The following MINDY4 variants were observed in gnomAD, a reference collection of about 807,000 sequenced individuals.
MINDY4 encodes the protein probable ubiquitin carboxyl-terminal hydrolase MINDY-4.
Under a neutral mutation model 87.0 loss-of-function variants are expected in MINDY4, and 68 were observed. The ratio of observed to expected loss-of-function variants is 0.78; its 90% CI spans 0.64 to 0.96. The LOEUF is 0.96. Among genes scored for constraint, MINDY4 ranks in the 40% least tolerant of loss-of-function variants. The pLI, the probability that MINDY4 is intolerant of heterozygous loss-of-function variation, is 0.00. For synonymous variants in MINDY4, 379 were observed against 363.2 expected (o/e 1.04, Z -0.50); for missense variants, 919 against 928.2 (o/e 0.99, Z 0.13).
rs556944019 is a variant in MINDY4, at chr7:30,842,403, G to T, written c.1445+1555G>T. 1.3e-3 allele frequency among the ~76,000 whole-genome samples: 205 copies of T among 152,332 alleles called. 1 individual carries two copies. Among genetic ancestry groups the T allele is most frequent in the African/African-American group, 4.5e-3 (186 of 41,578 alleles). On this transcript the variant is annotated intron_variant, in intron 9 of 17. Coordinates refer to ENST00000265299, the MANE Select transcript of MINDY4 (RefSeq NM_032222.3). ...TCCCTGGTGGGCTCAACACAGTCCT[G>T]TATGCTCAGGAATGCTCCTGACTGG... is the stretch of plus-strand genomic sequence containing the variant.
intron 5 of MINDY4, among the ~76,000 whole-genome samples, chr7:30,828,050 T>C (rs1042878618): frequency 6.6e-6 from 1 of 152,056 alleles, no homozygotes; most frequent in Non-Finnish European, 1.5e-5. Context: ...TAGAAAATGC[T>C]CCCTCAAAGG....
At chr7:30,833,797 A>G (rs913092067) in intron 6 of MINDY4, among the ~76,000 whole-genome samples, 9 of 152,326 alleles carry the variant, frequency 5.9e-5, no homozygotes, top group Non-Finnish European at 1.0e-4. Context: ...AATGGGAGAA[A>G]TTGGCCAAAA....
chr7:30,883,691 G>A (rs1790542908), intron 17 of MINDY4, among the ~76,000 whole-genome samples: 1 of 152,194 alleles, frequency 6.6e-6, no homozygotes, highest in African/African-American at 2.4e-5. Flanking sequence ...CCTTGCCCCG[G>A]CAGGCCCTTC....
intron 12 of MINDY4, chr7:30,857,828 A>C (rs1261169514): frequency 6.6e-6 from 1 of 152,184 alleles, no homozygotes; most frequent in Admixed American, 6.5e-5. Flanking sequence ...AATCTTTTTA[A>C]AAAGACTAAT....
intron 14 of MINDY4, among the ~76,000 whole-genome samples, chr7:30,873,212 G>A (rs1231672523): frequency 6.6e-6 from 1 of 152,258 alleles, no homozygotes; most frequent in Non-Finnish European, 1.5e-5. Flanking sequence ...CTCACGGGGA[G>A]TGGCTACTCT....
intron 9 of MINDY4, 125 bp from the exon 10 acceptor site, chr7:30,850,329 C>T (rs1789371028): frequency 2.3e-6 from 2 of 871,522 alleles, no homozygotes; most frequent in East Asian, 2.7e-5. Context: ...GCAGGTGGCC[C>T]CTCTGCAGGC....
chr7:30,780,986 T>C (rs965501834), intron 2 of MINDY4: 1 of 152,266 alleles, frequency 6.6e-6, no homozygotes, highest in Non-Finnish European at 1.5e-5. Context: ...CTGTTGAGTT[T>C]GGTTGTAGTC....
intron 6 of MINDY4, among the ~76,000 whole-genome samples, chr7:30,829,436 G>A (rs1788629892): frequency 6.6e-6 from 1 of 152,184 alleles, no homozygotes. Flanking sequence ...TCCTTTTCTG[G>A]AGCCAACAGT....
At chr7:30,867,320 GT>G in intron 13 of MINDY4, among the ~76,000 whole-genome samples, 1 of 152,222 alleles carries the variant, frequency 6.6e-6, no homozygotes. Context: ...GATATGAGTG[GT>G]TGAGATGGCA....
intron 6 of MINDY4, among the ~76,000 whole-genome samples, chr7:30,830,487 C>T (rs187817723): frequency 6.6e-5 from 10 of 152,244 alleles, no homozygotes; most frequent in African/African-American, 2.2e-4. Flanking sequence ...GGGGAGGCCT[C>T]AGGAAACTTA....
At chr7:30,836,083 A>G (rs1314101380) in intron 6 of MINDY4, among the ~76,000 whole-genome samples, 35 of 152,224 alleles carry the variant, frequency 2.3e-4, no homozygotes, top group Admixed American at 2.0e-3. Context: ...TTCCTCATCT[A>G]TAAGTGGGGG....
At chr7:30,788,450 C>T (rs1787222175) in intron 4 of MINDY4, among the ~76,000 whole-genome samples, 1 of 152,138 alleles carries the variant, frequency 6.6e-6, no homozygotes, top group Admixed American at 6.5e-5. Context: ...AATGTGGACA[C>T]ATCTCATTAG....
At chr7:30,881,315 T>TA (rs1790457805) in intron 15 of MINDY4, among the ~76,000 whole-genome samples, 1 of 152,208 alleles carries the variant, frequency 6.6e-6, no homozygotes, top group Admixed American at 6.5e-5. Flanking sequence ...CCCTGGTGCT[T>TA]ATTCCTCTGT....
chr7:30,865,324 G>A (rs927053490), intron 13 of MINDY4, among the ~76,000 whole-genome samples: 2 of 152,346 alleles, frequency 1.3e-5, no homozygotes, highest in African/African-American at 4.8e-5. Flanking sequence ...AACTCCAGCC[G>A]AACTTTGACA....
At chr7:30,816,634 C>T (rs1260164755) in intron 5 of MINDY4, among the ~76,000 whole-genome samples, 1 of 130,680 alleles carries the variant, frequency 7.7e-6, no homozygotes, top group African/African-American at 2.8e-5. Context: ...CCAAATCTGT[C>T]CTCACTGGGC....
chr7:30,853,472 C>A lies in MINDY4; in HGVS notation c.1677+13C>A, dbSNP rs774679636. 25 of 1,602,594 alleles carry A rather than the reference C, an allele frequency of 1.6e-5. No individual in the cohort carries two copies. The highest frequency in any genetic ancestry group is 3.3e-4 in the Middle Eastern group (2 of 6,062). On this transcript the variant is annotated intron_variant, in intron 12 of 17. Transcript: ENST00000265299. ...AAGCATTCATCAGGTATGAAGCATG[C>A]CTTACTCCTGTGGGATGTGCGTCAC... is the stretch of plus-strand genomic sequence containing the variant.
At chr7:30,808,672 A>C (rs1345016430) in intron 5 of MINDY4, among the ~76,000 whole-genome samples, 3 of 152,202 alleles carry the variant, frequency 2.0e-5, no homozygotes, top group Non-Finnish European at 4.4e-5. Context: ...GGCCAGCATT[A>C]GAGGTGGTTT....
chr7:30,805,550 A>G (rs1345651280), intron 5 of MINDY4, among the ~76,000 whole-genome samples: 1 of 152,120 alleles, frequency 6.6e-6, no homozygotes, highest in Non-Finnish European at 1.5e-5. Context: ...GAGTGGTCAG[A>G]GCAGAGCCCC....
In MINDY4 at chr7:30,782,064, C is replaced by A. The variant is rs747990847; in HGVS notation, c.271C>A (p.Gln91Lys). Residue 91 changes from glutamine (Q) to lysine (K), a missense_variant, in exon 3 of 18, where the codon CAA (glutamine) becomes AAA (lysine). Transcript: ENST00000265299. ...HFGNTANNFT[Q>K]DTPIPALSVP... The stretch of plus-strand genomic sequence containing the variant: ...TGGAAATACGGCTAACAATTTCACT[C>A]AAGATACCCCAATCCCTGCACTCTC... 8 of 1,613,966 alleles carry A rather than the reference C, an allele frequency of 5.0e-6. No homozygotes were observed. Among genetic ancestry groups the A allele is most frequent in the Non-Finnish European group, 6.8e-6 (8 of 1,180,032 alleles).
Sources: gnomAD v4.1 joint callset for allele counts (sites outside exome capture counted in the v4.1 genomes callset) on GRCh38, gnomAD v4.1.1 for gene constraint, MANE v1.5 for transcripts, NCBI Gene and HGNC (gene_info 2026-07-23, HGNC 2026-07-21) for gene names.